The following ZCCHC14 variants were observed in gnomAD, a reference collection of about 807,000 sequenced individuals.
ZCCHC14 encodes the protein zinc finger CCHC domain-containing protein 14.
A neutral mutation model predicts 85.0 loss-of-function variants in ZCCHC14; 16 were observed. The ratio of observed to expected loss-of-function variants is 0.19; its 90% CI spans 0.13 to 0.29. The LOEUF (loss-of-function observed/expected upper bound fraction) is 0.29, where lower values mean the gene tolerates loss of function less well. Among genes scored for constraint, ZCCHC14 ranks in the 10% least tolerant of loss-of-function variants. The pLI is 1.00. For synonymous variants in ZCCHC14, 775 were observed against 630.7 expected (o/e 1.23, Z -3.43); for missense variants, 1,303 against 1,443.5 (o/e 0.90, Z 1.58).
chr16:87,415,179 T>C, intron 9 of ZCCHC14, 97 bp downstream of exon 9: 1 of 970,662 alleles, frequency 1.0e-6, no homozygotes, highest in Admixed American at 2.0e-5. Flanking sequence ...CAGGAACTAA[T>C]CCAATCACTA....
chr16:87,444,568 G>A (rs767975462), intron 2 of ZCCHC14, among the ~76,000 whole-genome samples: 3 of 152,186 alleles, frequency 2.0e-5, no homozygotes, highest in Non-Finnish European at 2.9e-5. Context: ...CATCAGTAAC[G>A]GAACAAATTG....
At chr16:87,455,746 G>A (rs1289535747) in intron 2 of ZCCHC14, among the ~76,000 whole-genome samples, 1 of 152,222 alleles carries the variant, frequency 6.6e-6, no homozygotes, top group East Asian at 1.9e-4. Flanking sequence ...TTACAACAGT[G>A]CAAAAGCAAC....
At chr16:87,422,938 G>A (rs1402810690) in intron 4 of ZCCHC14, among the ~76,000 whole-genome samples, 1 of 152,152 alleles carries the variant, frequency 6.6e-6, no homozygotes, top group Non-Finnish European at 1.5e-5. Context: ...CGAAGGCGTG[G>A]CACTGTCGTG....
intron 1 of ZCCHC14, among the ~76,000 whole-genome samples, chr16:87,484,724 G>T (rs74671022): frequency 0.017 from 2,513 of 152,268 alleles, 25 homozygotes; most frequent in Middle Eastern, 0.048. Flanking sequence ...AAGAGGGGCT[G>T]GTAGAGACGA....
At position 87,412,558 on chromosome 16, in the gene ZCCHC14, C is replaced by G. The variant is rs1262019734; in HGVS notation, c.2163G>C (p.Met721Ile). 14 of 1,614,098 alleles carry G rather than the reference C, an allele frequency of 8.7e-6. No individual in the cohort carries two copies. The highest frequency in any genetic ancestry group is 1.2e-5 in the Non-Finnish European group (14 of 1,180,034). The change falls in exon 12 of 13, where the codon ATG (methionine) becomes ATC (isoleucine). Residue 721 changes from methionine to isoleucine, a missense_variant. Met to Ile is a conservative substitution (Grantham distance 10). Coordinates refer to ENST00000671377, the MANE Select transcript of ZCCHC14 (RefSeq NM_015144.3). ...VLSGLSESSSMSPTVSFGPRT... is the reference protein window; with the variant it reads ...VLSGLSESSSISPTVSFGPRT... ...GGGGACCAAAGGAGACTGTGGGTGACATGGAGCTGCTCTCCGAAAGCCCAG... is the reference window on the plus strand; with the variant it reads ...GGGGACCAAAGGAGACTGTGGGTGAGATGGAGCTGCTCTCCGAAAGCCCAG...
At chr16:87,453,410 G>A (rs1399885934) in intron 2 of ZCCHC14, among the ~76,000 whole-genome samples, 1 of 152,270 alleles carries the variant, frequency 6.6e-6, no homozygotes, top group African/African-American at 2.4e-5. Flanking sequence ...GAGGGTGCGG[G>A]TTTGTGCTTT....
chr16:87,435,019 G>GT (rs1252436503), intron 2 of ZCCHC14, among the ~76,000 whole-genome samples: 1 of 137,794 alleles, frequency 7.3e-6, no homozygotes, highest in Non-Finnish European at 1.6e-5. Flanking sequence ...AAAAAAAGAC[G>GT]TTTTTTGGGA....
At chr16:87,433,462 C>A (rs1167537991) in intron 2 of ZCCHC14, among the ~76,000 whole-genome samples, 2 of 152,148 alleles carry the variant, frequency 1.3e-5, no homozygotes, top group African/African-American at 2.4e-5. Flanking sequence ...CACTGGAGTA[C>A]AGACACACGT....
chr16:87,458,141 T>C (rs1447784477), intron 2 of ZCCHC14, among the ~76,000 whole-genome samples: 2 of 150,414 alleles, frequency 1.3e-5, no homozygotes, highest in African/African-American at 4.9e-5. Context: ...AATTACATCC[T>C]GAAGAAAAAG....
At chr16:87,459,328 G>GT (rs1407076329) in intron 2 of ZCCHC14, among the ~76,000 whole-genome samples, 1 of 151,632 alleles carries the variant, frequency 6.6e-6, no homozygotes, top group East Asian at 1.9e-4. Context: ...GGAGGAGGGT[G>GT]TAAAACTTAT....
intron 1 of ZCCHC14, among the ~76,000 whole-genome samples, chr16:87,488,888 A>T (rs1705361409): frequency 6.6e-6 from 1 of 152,244 alleles, no homozygotes; most frequent in Non-Finnish European, 1.5e-5. Flanking sequence ...AAGAAATAAA[A>T]ATTCAAATTG....
chr16:87,461,253 G>A (rs1457011267), intron 1 of ZCCHC14, among the ~76,000 whole-genome samples: 1 of 152,214 alleles, frequency 6.6e-6, no homozygotes, highest in South Asian at 2.1e-4. Flanking sequence ...GGAATAAGCC[G>A]GAAGGGGCCC....
At position 87,492,376 on chromosome 16, in the gene ZCCHC14, C is replaced by A. The variant is rs1447023799; in HGVS notation, c.-138G>T. 12 of 145,142 alleles carry A rather than the reference C, an allele frequency of 8.3e-5. No individual in the cohort carries two copies. The highest frequency in any genetic ancestry group is 3.0e-4 in the African/African-American group (12 of 39,350). The allele number at this position is 145,142 out of a possible 1,614,324, so 9.0% of individuals were successfully genotyped here. A position where few individuals can be genotyped will look rare whatever the true frequency, so the allele number is the denominator to read the frequency against. ...CCGGGTCCGGGCGAGGGCGCGCGGGCGCCGCGGGCCGGGCGGGCGCCGGGG... is the reference window on the plus strand; with the variant it reads ...CCGGGTCCGGGCGAGGGCGCGCGGGAGCCGCGGGCCGGGCGGGCGCCGGGG... On this transcript the variant is annotated 5_prime_UTR_variant, in exon 1 of 13. Transcript: ENST00000671377. The surrounding 1 kb of genome is among the most constrained non-coding windows in gnomAD (Gnocchi z 6.7).
At chr16:87,480,906 T>C (rs1912237485) in intron 1 of ZCCHC14, among the ~76,000 whole-genome samples, 1 of 151,724 alleles carries the variant, frequency 6.6e-6, no homozygotes, top group Non-Finnish European at 1.5e-5. Flanking sequence ...GAAAGCACAG[T>C]GAGTAGGAGG....
At chr16:87,483,964 A>T (rs1325761387) in intron 1 of ZCCHC14, among the ~76,000 whole-genome samples, 1 of 152,258 alleles carries the variant, frequency 6.6e-6, no homozygotes. Flanking sequence ...GCCTGATTAA[A>T]TAACACATTT....
At chr16:87,430,524 C>CTTTTTTTTTTTTTT (rs142361433) in intron 3 of ZCCHC14, among the ~76,000 whole-genome samples, 1 of 143,238 alleles carries the variant, frequency 7.0e-6, no homozygotes, top group Non-Finnish European at 1.5e-5. Flanking sequence ...TGATTTCTTT[C>CTTTTTTTTTTTTTT]TTTTTTTTTT....
chr16:87,410,247 G>A lies in ZCCHC14; in HGVS notation c.*33C>T, dbSNP rs756180577. On this transcript the variant is annotated 3_prime_UTR_variant, in exon 13 of 13. Transcript: ENST00000671377. ...TATTTAATTTTCCTTATGTCTCCAT[G>A]GCTTAATAACGTTCTGTTGCCAGAG... 27 of 737,096 alleles carry A rather than the reference G, an allele frequency of 3.7e-5. No individual in the cohort carries two copies. The Admixed American group carries it at 5.3e-4, about 14-fold the overall frequency. The allele number at this position is 737,096 out of a possible 1,614,324, so 45.7% of individuals were successfully genotyped here. A position where few individuals can be genotyped will look rare whatever the true frequency, so the allele number is the denominator to read the frequency against.
chr16:87,461,660 A>G (rs1911264277), intron 1 of ZCCHC14, among the ~76,000 whole-genome samples: 1 of 152,226 alleles, frequency 6.6e-6, no homozygotes, highest in Non-Finnish European at 1.5e-5. Context: ...CTGGCCAGGT[A>G]GGCGTGGCCT....
chr16:87,420,508 G>A lies in ZCCHC14; in HGVS notation c.950+99C>T, dbSNP rs565032598. 10 of 915,926 alleles carry A rather than the reference G, an allele frequency of 1.1e-5. No homozygotes were observed. Among genetic ancestry groups the A allele is most frequent in the East Asian group, 8.3e-5 (3 of 36,126 alleles). The allele number at this position is 915,926 out of a possible 1,614,324, so 56.7% of individuals were successfully genotyped here. On this transcript the variant is annotated intron_variant, in intron 5 of 12. Transcript: ENST00000671377. This position sits in a 1 kb window ranked among gnomAD's most constrained non-coding sequence, Gnocchi z 5.0. ...TAGAGACCCAGGTCCAGGTGACCGC[G>A]CATCCTCCCAGAGCTCCTTGGAGGA...
Sources: allele counts gnomAD v4.1 joint callset (sites outside exome capture counted in the v4.1 genomes callset), GRCh38; gene constraint gnomAD v4.1.1; non-coding constraint Gnocchi (gnomAD v3.1); transcripts MANE v1.5; gene names NCBI Gene and HGNC (gene_info 2026-07-23, HGNC 2026-07-21).